PPP2R5A: variants seen among roughly 807,000 people sequenced by gnomAD.
PPP2R5A encodes the protein protein phosphatase 2 regulatory subunit B'alpha.
In PPP2R5A, 25 loss-of-function variants were observed where a neutral mutation model predicts 64.2. The ratio of observed to expected loss-of-function variants is 0.39; its 90% CI spans 0.28 to 0.54. The LOEUF is 0.54. Ranked by LOEUF, PPP2R5A falls within the 20% of genes least tolerant of loss-of-function variation. The probability of loss-of-function intolerance (pLI) is 0.67; values close to 1 mark genes in which losing one functional copy is unlikely to be tolerated. For synonymous variants in PPP2R5A, 198 were observed against 201.2 expected (o/e 0.98, Z 0.13); for missense variants, 425 against 576.3 (o/e 0.74, Z 2.69).
At chr1:212,339,408 C>A (rs1659647576) in intron 3 of PPP2R5A, among the ~76,000 whole-genome samples, 1 of 152,164 alleles carries the variant, frequency 6.6e-6, no homozygotes, top group Non-Finnish European at 1.5e-5. Context: ...AACTCCCGAC[C>A]TCAGGTGATC....
At chr1:212,345,645 T>C (rs531828912) in intron 4 of PPP2R5A, among the ~76,000 whole-genome samples, 158 bp from the exon 5 acceptor site, 1 of 152,308 alleles carries the variant, frequency 6.6e-6, no homozygotes, top group Non-Finnish European at 1.5e-5. Context: ...CCTAAGCTTT[T>C]CCTCACCTTC....
chr1:212,348,336 T>C (rs1659819725), intron 6 of PPP2R5A, 53 bp from the exon 7 acceptor site: 1 of 1,176,658 alleles, frequency 8.5e-7, no homozygotes, highest in African/African-American at 1.5e-5. Flanking sequence ...TGACAGCTTT[T>C]AGAAACAAAG....
chr1:212,295,172 C>G (rs1005891751), intron 1 of PPP2R5A, among the ~76,000 whole-genome samples: 2 of 152,072 alleles, frequency 1.3e-5, no homozygotes, highest in Non-Finnish European at 2.9e-5. Context: ...ATTGGGAAAT[C>G]AGAGTGAGTA....
At chr1:212,340,134 T>C (rs959863908) in intron 3 of PPP2R5A, among the ~76,000 whole-genome samples, 1 of 149,332 alleles carries the variant, frequency 6.7e-6, no homozygotes, top group Non-Finnish European at 1.5e-5. Context: ...TCTCTAAAAA[T>C]AAATAAATAT....
At chr1:212,299,542 G>GA (rs1255747828) in intron 1 of PPP2R5A, 8 of 152,102 alleles carry the variant, frequency 5.3e-5, no homozygotes, top group African/African-American at 1.9e-4. Flanking sequence ...TTTGATAGAG[G>GA]AAAAAAGTTA....
At chr1:212,341,012 T>G (rs1659676506) in intron 3 of PPP2R5A, among the ~76,000 whole-genome samples, 1 of 152,208 alleles carries the variant, frequency 6.6e-6, no homozygotes, top group Non-Finnish European at 1.5e-5. Context: ...TTTTTTATTT[T>G]TAGGGTGTTA....
chr1:212,342,146 C>T (rs1205725371), intron 3 of PPP2R5A, 42 bp from the exon 4 acceptor site: 4 of 1,604,580 alleles, frequency 2.5e-6, no homozygotes, highest in Non-Finnish European at 3.4e-6. Flanking sequence ...GGGTAATATT[C>T]TGTAGCCATC....
chr1:212,332,401 GTCTGTTCATTAT>G (rs1445600984), intron 2 of PPP2R5A, among the ~76,000 whole-genome samples: 1 of 152,128 alleles, frequency 6.6e-6, no homozygotes, highest in Non-Finnish European at 1.5e-5. Context: ...TAGTCTGTCA[GTCTGTTCATTAT>G]TCTTAAAAAA....
intron 8 of PPP2R5A, among the ~76,000 whole-genome samples, chr1:212,352,191 G>GA (rs1553277082): frequency 1.3e-4 from 19 of 148,668 alleles, no homozygotes; most frequent in African/African-American, 3.0e-4. Flanking sequence ...GCCCGGCTAG[G>GA]TTTTTTTTTG....
chr1:212,327,113 A>T (rs1329231146), intron 1 of PPP2R5A, among the ~76,000 whole-genome samples: 2 of 152,224 alleles, frequency 1.3e-5, no homozygotes, highest in African/African-American at 2.4e-5. Context: ...ATTCTTGATT[A>T]GGTTATCATC....
chr1:212,302,401 T>C (rs1313586226), intron 1 of PPP2R5A, among the ~76,000 whole-genome samples: 1 of 152,222 alleles, frequency 6.6e-6, no homozygotes, highest in Non-Finnish European at 1.5e-5. Context: ...TTATAAGTTA[T>C]AGGAAACATA....
At chr1:212,291,911 C>T (rs770797648) in intron 1 of PPP2R5A, among the ~76,000 whole-genome samples, 2 of 152,158 alleles carry the variant, frequency 1.3e-5, no homozygotes, top group Non-Finnish European at 2.9e-5. Flanking sequence ...TAATTTTAAT[C>T]CCATCATTCA....
rs747704913 is a variant in PPP2R5A, at chr1:212,311,673, C to G, written c.182-17462C>G. Among the ~76,000 whole-genome samples the G allele has an allele frequency of 5.9e-5, 9 of 152,022 alleles. No individual in the cohort carries two copies. The South Asian group carries it at 1.9e-3, about 32-fold the overall frequency. ...TATTCTAGAAGATGTGGAGATGAGA[C>G]AGTGACGTAGATGATCCTGACCCTG... On this transcript the variant is annotated intron_variant, in intron 1 of 12. Coordinates refer to ENST00000261461, the MANE Select transcript of PPP2R5A (RefSeq NM_006243.4).
intron 3 of PPP2R5A, among the ~76,000 whole-genome samples, chr1:212,334,723 C>T (rs200667547): frequency 1.3e-5 from 2 of 152,230 alleles, no homozygotes; most frequent in Middle Eastern, 3.4e-3. Flanking sequence ...TGTCTTCTTA[C>T]GTCCATGGTT....
intron 1 of PPP2R5A, among the ~76,000 whole-genome samples, chr1:212,300,436 C>T (rs1399428670): frequency 1.4e-5 from 2 of 140,962 alleles, no homozygotes; most frequent in Non-Finnish European, 3.1e-5. Flanking sequence ...TTTTAAACTA[C>T]CCCATTTTAT....
intron 2 of PPP2R5A, among the ~76,000 whole-genome samples, chr1:212,330,802 A>AT (rs1445894334): frequency 1.3e-5 from 2 of 152,130 alleles, no homozygotes; most frequent in East Asian, 3.9e-4. Flanking sequence ...GAATTAGGAA[A>AT]TTTTTGATTG....
At chr1:212,339,649 A>G (rs1365363835) in intron 3 of PPP2R5A, among the ~76,000 whole-genome samples, 1 of 152,218 alleles carries the variant, frequency 6.6e-6, no homozygotes, top group Non-Finnish European at 1.5e-5. Context: ...TGAATGGCAC[A>G]GGTTTCAATT....
At chr1:212,336,488 A>G (rs897517112) in intron 3 of PPP2R5A, among the ~76,000 whole-genome samples, 4 of 152,202 alleles carry the variant, frequency 2.6e-5, no homozygotes, top group African/African-American at 9.7e-5. Context: ...TCATTCATCT[A>G]TGGTCCCTTG....
intron 3 of PPP2R5A, chr1:212,333,808 T>G (rs1659547766): frequency 2.5e-6 from 1 of 401,040 alleles, no homozygotes; most frequent in Non-Finnish European, 4.4e-6. Context: ...TAAACCATTT[T>G]GAAGTGTACA....
Sources: allele counts gnomAD v4.1 joint callset (sites outside exome capture counted in the v4.1 genomes callset), GRCh38; gene constraint gnomAD v4.1.1; transcripts MANE v1.5; gene names NCBI Gene and HGNC (gene_info 2026-07-23, HGNC 2026-07-21).